The following ADGRV1 variants were observed in gnomAD, a reference collection of about 807,000 sequenced individuals.
The protein encoded by ADGRV1 is G-protein coupled receptor 98.
In ADGRV1, 359 loss-of-function variants were observed where a neutral mutation model predicts 596.2. The observed-to-expected ratio is 0.60, with a 90% CI of 0.55 to 0.66. ADGRV1 has a LOEUF of 0.66. Among genes scored for constraint, ADGRV1 ranks in the 30% least tolerant of loss-of-function variants. ADGRV1 has a pLI of 0.00. For synonymous variants in ADGRV1, 2,681 were observed against 2,679.2 expected (o/e 1.00, Z -0.02); for missense variants, 7,274 against 7,575.6 (o/e 0.96, Z 1.48).
chr5:90,853,657 A>T (rs1188746851), intron 80 of ADGRV1, 124 bp downstream of exon 80: 1 of 814,502 alleles, frequency 1.2e-6, no homozygotes, highest in African/African-American at 1.7e-5. Flanking sequence ...CTACTATGAA[A>T]TGTGTTCCAT....
intron 67 of ADGRV1, among the ~76,000 whole-genome samples, chr5:90,786,069 C>G (rs1759408236): frequency 6.6e-6 from 1 of 152,112 alleles, no homozygotes; most frequent in East Asian, 1.9e-4. Flanking sequence ...TACTATGCAG[C>G]CATAAAAAGG....
intron 86 of ADGRV1, among the ~76,000 whole-genome samples, chr5:91,077,849 GTC>G (rs1364768048): frequency 6.6e-6 from 1 of 152,194 alleles, no homozygotes; most frequent in African/African-American, 2.4e-5. Flanking sequence ...CGATAAGCAT[GTC>G]TCTCTTTTTA....
chr5:90,888,262 A>G (rs573903387), intron 83 of ADGRV1, among the ~76,000 whole-genome samples: 3 of 152,184 alleles, frequency 2.0e-5, no homozygotes, highest in Non-Finnish European at 2.9e-5. Flanking sequence ...ACTGACTACC[A>G]TATAACTCTG....
intron 75 of ADGRV1, chr5:90,822,036 G>C (rs1176797417): frequency 6.5e-6 from 1 of 153,636 alleles, no homozygotes; most frequent in Admixed American, 6.5e-5. Context: ...CTTGCAGGTT[G>C]ATCTCAGACT....
At chr5:90,672,819 C>G (rs111986329) in intron 22 of ADGRV1, 97 bp downstream of exon 22, 6 of 859,728 alleles carry the variant, frequency 7.0e-6, no homozygotes, top group Non-Finnish European at 7.1e-6. Context: ...ATTGAAGTGT[C>G]GCTTCCCATT....
chr5:90,587,344 G>GTT (rs1055271267), intron 1 of ADGRV1, among the ~76,000 whole-genome samples: 1 of 152,130 alleles, frequency 6.6e-6, no homozygotes, highest in African/African-American at 2.4e-5. Context: ...GGGAATGATG[G>GTT]TTAGAGGCAA....
intron 20 of ADGRV1, chr5:90,655,829 C>A (rs1413491948): frequency 6.6e-6 from 1 of 151,984 alleles, no homozygotes; most frequent in Admixed American, 6.6e-5. Flanking sequence ...AAATAGAAAT[C>A]ATTTACAATA....
chr5:90,789,926 A>C, intron 69 of ADGRV1, 75 bp downstream of exon 69: 1 of 1,069,332 alleles, frequency 9.4e-7, no homozygotes, highest in Non-Finnish European at 1.2e-6. Flanking sequence ...GGGAAACTGC[A>C]TGTTCTAGTT....
Position 90,750,541 on chromosome 5 carries a change from A to AT in ADGRV1, c.10975-4dup, listed in dbSNP as rs1420696105. ...GGGAACCCCTTGTGACTTTCTGTGT[A>AT]TTTTTTCAGAATTCATTATATAAGC... is the stretch of plus-strand genomic sequence containing the variant. On this transcript the variant is annotated splice_polypyrimidine_tract_variant and intron_variant, in intron 52 of 89. Transcript: ENST00000405460. The AT allele has an allele frequency of 1.3e-6, 2 of 1,589,888 alleles. No homozygotes were observed. Among genetic ancestry groups the AT allele is most frequent in the Non-Finnish European group, 8.6e-7 (1 of 1,165,906 alleles).
At chr5:90,756,942 T>G in intron 56 of ADGRV1, 37 bp from the exon 57 acceptor site, 1 of 1,471,466 alleles carries the variant, frequency 6.8e-7, no homozygotes, top group Non-Finnish European at 9.2e-7. Context: ...AGAGTTACCA[T>G]TTTATCTTGC....
chr5:90,975,444 A>G (rs957328250), intron 84 of ADGRV1, among the ~76,000 whole-genome samples: 1 of 152,190 alleles, frequency 6.6e-6, no homozygotes, highest in Admixed American at 6.5e-5. Context: ...AAGACTTGGA[A>G]CTCACCCAAA....
intron 75 of ADGRV1, among the ~76,000 whole-genome samples, chr5:90,817,370 T>C (rs1460601955): frequency 6.6e-6 from 1 of 151,576 alleles, no homozygotes; most frequent in Non-Finnish European, 1.5e-5. Flanking sequence ...GGTTGCCTGT[T>C]CACTCTGATG....
intron 75 of ADGRV1, among the ~76,000 whole-genome samples, chr5:90,817,183 T>C (rs1020184818): frequency 1.3e-5 from 2 of 151,410 alleles, no homozygotes; most frequent in African/African-American, 4.8e-5. Context: ...CATTTTTTCA[T>C]GTGTTTTTTG....
In ADGRV1 at chr5:90,558,913, G is replaced by A; in HGVS notation, c.18G>A (p.Gly6=). 6.4e-7 allele frequency: 1 copy of A among 1,558,400 alleles called. No individual in the cohort carries two copies. The highest frequency in any genetic ancestry group is 8.7e-7 in the Non-Finnish European group (1 of 1,150,488). ...GCGCGCGGATGTCGGTGTTCCTGGG[G>A]CCAGGTAGGCTATGGCTGAGGGGTG... MSVFL[G]PGMPSASLLV... The change falls in exon 1 of 90, where the codon GGG becomes GGA. Residue 6 remains glycine, a synonymous_variant. Coordinates refer to ENST00000405460, the MANE Select transcript of ADGRV1 (RefSeq NM_032119.4).
At chr5:90,784,512 G>GAAA (rs1759211480) in intron 67 of ADGRV1, among the ~76,000 whole-genome samples, 2 of 152,290 alleles carry the variant, frequency 1.3e-5, no homozygotes, top group South Asian at 4.1e-4. Flanking sequence ...TGCGAGTGCT[G>GAAA]TTGGTGAGGA....
chr5:90,890,396 G>T (rs927539501), intron 83 of ADGRV1, among the ~76,000 whole-genome samples: 1 of 152,098 alleles, frequency 6.6e-6, no homozygotes, highest in Non-Finnish European at 1.5e-5. Flanking sequence ...GAGCAATACA[G>T]CACAGCGGTT....
At chr5:90,993,233 A>G (rs1389244900) in intron 85 of ADGRV1, among the ~76,000 whole-genome samples, 1 of 137,238 alleles carries the variant, frequency 7.3e-6, no homozygotes, top group African/African-American at 2.8e-5. Context: ...ATCCTGGTTC[A>G]CTGCAACCTC....
chr5:91,127,429 T>C (rs1793855586), intron 87 of ADGRV1, among the ~76,000 whole-genome samples: 1 of 150,596 alleles, frequency 6.6e-6, no homozygotes, highest in Non-Finnish European at 1.5e-5. Flanking sequence ...TCCCAGCTAC[T>C]CCAGAGGCTG....
intron 83 of ADGRV1, among the ~76,000 whole-genome samples, chr5:90,961,994 G>A (rs1285135676): frequency 6.6e-6 from 1 of 152,174 alleles, no homozygotes; most frequent in African/African-American, 2.4e-5. Context: ...TTCGAGAGGG[G>A]ACTGTGCTCG....
Sources: gnomAD v4.1 joint callset for allele counts (sites outside exome capture counted in the v4.1 genomes callset) on GRCh38, gnomAD v4.1.1 for gene constraint, MANE v1.5 for transcripts, NCBI Gene and HGNC (gene_info 2026-07-23, HGNC 2026-07-21) for gene names.